Variants in TRIM71 observed in about 807,000 individuals in gnomAD.
The protein encoded by TRIM71 is tripartite motif containing 71.
Under a neutral mutation model 61.2 loss-of-function variants are expected in TRIM71, and 9 were observed. That is an observed-to-expected ratio of 0.15 (90% CI 0.09 to 0.26). TRIM71 has a LOEUF of 0.26. Ranked by LOEUF, TRIM71 falls within the 10% of genes least tolerant of loss-of-function variation. TRIM71 has a pLI of 1.00. For missense variants in TRIM71, 998 were observed against 1,238.7 expected, an observed-to-expected ratio of 0.81 and a Z score of 2.92; for synonymous variants, 645 against 553.2, an observed-to-expected ratio of 1.17 and a Z score of -2.33.
Position 32,818,220 on chromosome 3 carries a change from G to A in TRIM71, c.140G>A (p.Gly47Glu), listed in dbSNP as rs1575336857. ...TCCACGTCGTCGGGGGGCGGCGGCG[G>A]GGGCCCTGGGGCGGCGGCGCGCCGC... ...QTSTSSGGGG[G>E]GPGAAARRLH... The change falls in exon 1 of 4, where the codon GGG (glycine) becomes GAG (glutamate). Residue 47 changes from glycine to glutamate, a missense_variant. Physicochemically the swap from Gly to Glu is moderately conservative, Grantham distance 98. Around this residue, in one of 5 missense-constraint regions of TRIM71, gnomAD observed 527 missense variants for 427.8 expected, o/e 1.23. Transcript: ENST00000383763. 1 of 1,526,590 alleles carries A rather than the reference G, an allele frequency of 6.6e-7. No homozygotes were observed. The highest frequency in any genetic ancestry group is 8.7e-7 in the Non-Finnish European group (1 of 1,146,116). 94.6% of individuals were successfully genotyped at this position (1,526,590 alleles called of 1,614,324 possible). A position where few individuals can be genotyped will look rare whatever the true frequency, so the allele number is the denominator to read the frequency against.
At position 32,846,761 on chromosome 3, in the gene TRIM71, C is replaced by T. The variant is rs575639411; in HGVS notation, c.853-27057C>T. Among the ~76,000 whole-genome samples, 5 of 148,788 alleles carry T rather than the reference C, an allele frequency of 3.4e-5. No homozygotes were observed. In the East Asian group the frequency reaches 6.0e-4, roughly 18 times the overall value. ...TCTATGAGATTAGCTTTTTTAGATTCCATATATAAGTGACATCATGTGGTG... is the reference window on the plus strand; with the variant it reads ...TCTATGAGATTAGCTTTTTTAGATTTCATATATAAGTGACATCATGTGGTG... On this transcript the variant is annotated intron_variant, in intron 1 of 3. Transcript: ENST00000383763.
chr3:32,850,368 C>T (rs1696524540), intron 1 of TRIM71, among the ~76,000 whole-genome samples: 1 of 152,120 alleles, frequency 6.6e-6, no homozygotes, highest in South Asian at 2.1e-4. Context: ...TTTCCCTTCC[C>T]CCTCCTCTTG....
intron 1 of TRIM71, among the ~76,000 whole-genome samples, chr3:32,826,582 CTTTTTTTTTT>C (rs71068090): frequency 4.8e-5 from 4 of 83,098 alleles, no homozygotes; most frequent in South Asian, 1.0e-3. Context: ...CAGGTGAGTT[CTTTTTTTTTT>C]TTTTTTTTTT....
rs79535231 is a variant in TRIM71 at position 32,879,018 on chromosome 3, C to T, written c.1020+5033C>T. On this transcript the variant is annotated intron_variant, in intron 2 of 3. Transcript: ENST00000383763. ...TACCTTAGCTTGTTCTTCTGGGTAACTTGCTGCAGCTTCTATATCAGACTT... is the reference window on the plus strand; with the variant it reads ...TACCTTAGCTTGTTCTTCTGGGTAATTTGCTGCAGCTTCTATATCAGACTT... Among the ~76,000 whole-genome samples, 2,134 of 152,288 alleles carry T rather than the reference C, an allele frequency of 0.014. 137 individuals are homozygous for T. In the East Asian group the frequency reaches 0.21, roughly 15 times the overall value.
intron 1 of TRIM71, among the ~76,000 whole-genome samples, chr3:32,831,386 G>T (rs1696268968): frequency 6.6e-6 from 1 of 152,090 alleles, no homozygotes; most frequent in South Asian, 2.1e-4. Context: ...TCACATGAAG[G>T]TTCTTTGAAA....
rs1038313264 is a variant in TRIM71 at position 32,886,105 on chromosome 3, C to G, written c.1155+37C>G. On this transcript the variant is annotated intron_variant, in intron 3 of 3. Coordinates refer to ENST00000383763, the MANE Select transcript of TRIM71 (RefSeq NM_001039111.3). ...AGCTCCCCCACCCAGGCTGTGCCCA[C>G]TCGGCTTCCATGAACCTCAGCAGCA... The G allele has an allele frequency of 9.4e-6, 15 of 1,591,038 alleles. No individual in the cohort carries two copies. The African/African-American group carries it at 1.8e-4, about 19-fold the overall frequency.
At chr3:32,830,193 G>A (rs1046518601) in intron 1 of TRIM71, among the ~76,000 whole-genome samples, 5 of 152,072 alleles carry the variant, frequency 3.3e-5, no homozygotes, top group African/African-American at 1.2e-4. Flanking sequence ...AAAATGCTGG[G>A]ATTACAGGTG....
At chr3:32,823,525 A>G (rs1282633756) in intron 1 of TRIM71, among the ~76,000 whole-genome samples, 3 of 152,248 alleles carry the variant, frequency 2.0e-5, no homozygotes, top group African/African-American at 7.2e-5. Context: ...TTTATTTCCA[A>G]TTCTAGGAAT....
chr3:32,886,178 AC>A, intron 3 of TRIM71, 110 bp downstream of exon 3: 1 of 1,336,560 alleles, frequency 7.5e-7, no homozygotes, highest in Non-Finnish European at 9.7e-7. Context: ...TAAGTTTAAA[AC>A]ACTTCGTAAT....
chr3:32,840,230 C>T (rs907942198), intron 1 of TRIM71, among the ~76,000 whole-genome samples: 1 of 152,044 alleles, frequency 6.6e-6, no homozygotes, highest in African/African-American at 2.4e-5. Context: ...TCCCCACCCC[C>T]CTTCCCTTCC....
intron 1 of TRIM71, among the ~76,000 whole-genome samples, chr3:32,823,094 A>G (rs1363722293): frequency 1.3e-5 from 2 of 152,206 alleles, no homozygotes; most frequent in Non-Finnish European, 2.9e-5. Flanking sequence ...AACCAAACCT[A>G]ACTGCCTTGA....
chr3:32,846,035 A>G (rs1575347139), intron 1 of TRIM71, among the ~76,000 whole-genome samples: 1 of 132,450 alleles, frequency 7.6e-6, no homozygotes, highest in Non-Finnish European at 1.6e-5. Flanking sequence ...GCATTTATTT[A>G]TTATGTTTTT....
chr3:32,895,328 G>A lies in TRIM71; in HGVS notation c.*3517G>A, dbSNP rs1450234384. 6.6e-6 allele frequency: 1 copy of A among 152,210 alleles called. No individual in the cohort carries two copies. The highest frequency in any genetic ancestry group is 1.5e-5 in the Non-Finnish European group (1 of 68,044). 9.4% of individuals were successfully genotyped at this position (152,210 alleles called of 1,614,324 possible). On this transcript the variant is annotated 3_prime_UTR_variant, in exon 4 of 4. Coordinates refer to ENST00000383763, the MANE Select transcript of TRIM71 (RefSeq NM_001039111.3). ...ACCATAAACCGAATCCAAATTACGT[G>A]TTGGGCCAAAAATGTTGCCAGAACT... is the stretch of plus-strand genomic sequence containing the variant.
chr3:32,888,697 C>T (rs557216225), intron 3 of TRIM71, among the ~76,000 whole-genome samples: 10 of 152,198 alleles, frequency 6.6e-5, no homozygotes, highest in Admixed American at 2.6e-4. Context: ...CCTGCCACCA[C>T]GCTCGGCTAG....
intron 1 of TRIM71, among the ~76,000 whole-genome samples, chr3:32,850,225 G>A (rs1275270655): frequency 6.6e-6 from 1 of 152,058 alleles, no homozygotes; most frequent in Non-Finnish European, 1.5e-5. Flanking sequence ...AGGATGTGGT[G>A]GTTAGCGGGT....
chr3:32,821,497 A>T (rs1203016017), intron 1 of TRIM71, among the ~76,000 whole-genome samples: 1 of 152,132 alleles, frequency 6.6e-6, no homozygotes, highest in Non-Finnish European at 1.5e-5. Context: ...TAGGATTGGC[A>T]AGTAAGGTGT....
intron 2 of TRIM71, among the ~76,000 whole-genome samples, chr3:32,875,504 A>G (rs983655654): frequency 3.9e-5 from 6 of 152,220 alleles, no homozygotes; most frequent in African/African-American, 1.2e-4. Flanking sequence ...GAAATTACAT[A>G]GGAACCATTC....
chr3:32,857,735 C>CTT, intron 1 of TRIM71, among the ~76,000 whole-genome samples: 1 of 152,142 alleles, frequency 6.6e-6, no homozygotes, highest in Non-Finnish European at 1.5e-5. Flanking sequence ...CTTCAGGAGG[C>CTT]CGACGCAGGT....
intron 3 of TRIM71, among the ~76,000 whole-genome samples, chr3:32,889,900 GTATGTATGTATGTATGTATGTGTA>G (rs1194781182): frequency 1.2e-5 from 1 of 81,938 alleles, no homozygotes; most frequent in African/African-American, 3.8e-5. Flanking sequence ...GTGTGTGTGT[GTATGTATGTATGTATGTATGTGTA>G]TATATGTTTG....
Sources: gnomAD v4.1 joint callset for allele counts (sites outside exome capture counted in the v4.1 genomes callset) on GRCh38, gnomAD v4.1.1 for gene constraint, gnomAD v4.1.1 regional missense constraint, MANE v1.5 for transcripts, NCBI Gene and HGNC (gene_info 2026-07-23, HGNC 2026-07-21) for gene names.